The following BPIFA2 variants were observed in gnomAD, a reference collection of about 807,000 sequenced individuals.
BPIFA2 encodes BPI fold-containing family A member 2.
In BPIFA2, 20 loss-of-function variants were observed where a neutral mutation model predicts 25.7. That is an observed-to-expected ratio of 0.78 (90% CI 0.55 to 1.13). The LOEUF (loss-of-function observed/expected upper bound fraction) is 1.13, where lower values mean the gene tolerates loss of function less well. Ranked by LOEUF, BPIFA2 falls within the 50% of genes most tolerant of loss-of-function variation. BPIFA2 has a pLI of 0.00. For synonymous variants in BPIFA2, 126 were observed against 124.3 expected, an observed-to-expected ratio of 1.01 and a Z score of -0.09; for missense variants, 300 against 298.1, an observed-to-expected ratio of 1.01 and a Z score of -0.05.
chr20:33,173,116 A>G (rs779361104), intron 3 of BPIFA2, 40 bp downstream of exon 3: 2 of 1,598,106 alleles, frequency 1.3e-6, no homozygotes, highest in South Asian at 1.1e-5. Context: ...TGCTCTAAGG[A>G]AAGGGAAAAC....
rs142661634 is a variant in BPIFA2 at position 33,175,537 on chromosome 20, A to G, written c.541A>G (p.Ile181Val). 1.9e-6 allele frequency: 3 copies of G among 1,614,106 alleles called. No individual in the cohort carries two copies. The highest frequency in any genetic ancestry group is 1.1e-5 in the South Asian group (1 of 91,054). The stretch of plus-strand genomic sequence containing the variant: ...AGAATGCGCCAGTGACCCAACCAGC[A>G]TCTCACTTTCCTTGCTGGACAAGTA... ...LGECASDPTS[I>V]SLSLLDKHSQ... is the part of the protein sequence containing the mutation. The change falls in exon 5 of 9, where the codon ATC (isoleucine) becomes GTC (valine). Residue 181 changes from isoleucine to valine, a missense_variant. By Grantham distance (29) the Ile-to-Val change is conservative. Coordinates refer to ENST00000354932, the MANE Select transcript of BPIFA2 (RefSeq NM_080574.4).
upstream of BPIFA2, among the ~76,000 whole-genome samples, chr20:33,166,178 G>A (rs564852103): frequency 5.1e-4 from 78 of 152,002 alleles, no homozygotes; most frequent in South Asian, 0.014. Context: ...CCCCACACCC[G>A]GCTAGATTTT....
chr20:33,174,246 C>T (rs1984002125), intron 4 of BPIFA2, 60 bp downstream of exon 4: 2 of 1,498,056 alleles, frequency 1.3e-6, no homozygotes, highest in Non-Finnish European at 1.9e-6. Context: ...CGATGGATGC[C>T]CAACCTGGGA....
chr20:33,167,681 A>ATG (rs1568606347), upstream of BPIFA2, among the ~76,000 whole-genome samples: 10 of 1,600 alleles, frequency 6.3e-3, no homozygotes, highest in Non-Finnish European at 0.01. Context: ...TGGGGGCAGG[A>ATG]CCCCTGGGAG....
chr20:33,170,650 T>C (rs1983869157), intron 2 of BPIFA2, among the ~76,000 whole-genome samples: 1 of 152,208 alleles, frequency 6.6e-6, no homozygotes, highest in African/African-American at 2.4e-5. Flanking sequence ...TGCCTTGGCC[T>C]CCCGAAGTAC....
chr20:33,165,084 G>A (rs151071237), upstream of BPIFA2, among the ~76,000 whole-genome samples: 1 of 152,234 alleles, frequency 6.6e-6, no homozygotes, highest in Non-Finnish European at 1.5e-5. Flanking sequence ...AGAAAACCCG[G>A]CAAAGTCAAA....
At chr20:33,173,151 G>A (rs1983959876) in intron 3 of BPIFA2, 75 bp downstream of exon 3, 3 of 1,524,632 alleles carry the variant, frequency 2.0e-6, no homozygotes, top group Admixed American at 3.7e-5. Flanking sequence ...GTAAGTTTAA[G>A]ATGAAAGACA....
chr20:33,173,195 A>G (rs929795076), intron 3 of BPIFA2, 119 bp downstream of exon 3: 19 of 1,303,524 alleles, frequency 1.5e-5, no homozygotes, highest in Non-Finnish European at 1.8e-5. Flanking sequence ...CCACAGAGCC[A>G]AGGTGGTCTG....
upstream of BPIFA2, among the ~76,000 whole-genome samples, chr20:33,164,638 T>C (rs1461255654): frequency 6.6e-6 from 1 of 151,810 alleles, no homozygotes; most frequent in Non-Finnish European, 1.5e-5. Context: ...TCTCTTTCCT[T>C]CTTTCCCTCC....
chr20:33,165,427 G>T (rs1983694570), upstream of BPIFA2, among the ~76,000 whole-genome samples: 1 of 152,204 alleles, frequency 6.6e-6, no homozygotes. Flanking sequence ...AGGGGTGGGG[G>T]CTGCTTCTGT....
chr20:33,165,022 C>A (rs903961805), upstream of BPIFA2, among the ~76,000 whole-genome samples: 1 of 152,220 alleles, frequency 6.6e-6, no homozygotes, highest in African/African-American at 2.4e-5. Flanking sequence ...GATGTGGAAT[C>A]CGGGACTTAG....
At chr20:33,179,493 C>T in intron 6 of BPIFA2, 111 bp from the exon 7 acceptor site, 2 of 853,366 alleles carry the variant, frequency 2.3e-6, no homozygotes, top group East Asian at 2.4e-5. Context: ...TTCTAAGATC[C>T]CTAGAAATGA....
intron 2 of BPIFA2, among the ~76,000 whole-genome samples, chr20:33,169,991 A>C (rs1431090932): frequency 3.9e-5 from 6 of 152,238 alleles, no homozygotes; most frequent in African/African-American, 1.4e-4. Context: ...AAACATTAGC[A>C]GCACATCAAA....
chr20:33,178,390 T>A (rs549216722), intron 6 of BPIFA2, among the ~76,000 whole-genome samples, 162 bp downstream of exon 6: 1 of 152,216 alleles, frequency 6.6e-6, no homozygotes, highest in Non-Finnish European at 1.5e-5. Flanking sequence ...GCCTGGTGGG[T>A]AGCAGGGTAG....
rs750482356 is a variant in BPIFA2 at position 33,178,239 on chromosome 20, C to T, written c.645+11C>T. 19 of 1,566,368 alleles carry T rather than the reference C, an allele frequency of 1.2e-5. No individual in the cohort carries two copies. Among genetic ancestry groups the T allele is most frequent in the Non-Finnish European group, 1.6e-5 (18 of 1,139,592 alleles). On this transcript the variant is annotated intron_variant, in intron 6 of 8. Coordinates refer to ENST00000354932, the MANE Select transcript of BPIFA2 (RefSeq NM_080574.4). The stretch of plus-strand genomic sequence containing the variant: ...CTGCTGCAGAAGGAGGTGAGTCTCC[C>T]ACTCCTTGGAGCCCAGATCCAGGCC...
At chr20:33,180,392 G>A (rs1984235422) in intron 7 of BPIFA2, 128 bp from the exon 8 acceptor site, 1 of 964,940 alleles carries the variant, frequency 1.0e-6, no homozygotes, top group Non-Finnish European at 1.6e-6. Context: ...GCTCAGAGAG[G>A]TGGAGCAACA....
chr20:33,179,520 C>A, intron 6 of BPIFA2, 84 bp from the exon 7 acceptor site: 2 of 1,142,628 alleles, frequency 1.8e-6, no homozygotes, highest in Non-Finnish European at 2.7e-6. Context: ...CTGTGGGTGG[C>A]AAGCAATTTG....
chr20:33,163,537 G>A (rs1284185987), upstream of BPIFA2, among the ~76,000 whole-genome samples: 1 of 152,166 alleles, frequency 6.6e-6, no homozygotes, highest in Admixed American at 6.5e-5. Context: ...ATAAATGGCA[G>A]TGCTGCCGGG....
chr20:33,180,175 G>A (rs570318752), intron 7 of BPIFA2, among the ~76,000 whole-genome samples: 13 of 151,930 alleles, frequency 8.6e-5, no homozygotes, highest in African/African-American at 3.1e-4. Context: ...CCGACATCAT[G>A]CCACTGCACT....
Sources: allele counts gnomAD v4.1 joint callset (sites outside exome capture counted in the v4.1 genomes callset), GRCh38; gene constraint gnomAD v4.1.1; transcripts MANE v1.5; gene names NCBI Gene and HGNC (gene_info 2026-07-23, HGNC 2026-07-21).